The following SLC4A10 variants were observed in gnomAD, a reference collection of about 807,000 sequenced individuals.
The protein encoded by SLC4A10 is sodium-driven chloride bicarbonate exchanger.
A neutral mutation model predicts 137.7 loss-of-function variants in SLC4A10; 42 were observed. That is an observed-to-expected ratio of 0.30 (90% CI 0.24 to 0.39). The LOEUF (loss-of-function observed/expected upper bound fraction) is 0.39, where lower values mean the gene tolerates loss of function less well. Ranked by LOEUF, SLC4A10 falls within the 10% of genes least tolerant of loss-of-function variation. The pLI, the probability that SLC4A10 is intolerant of heterozygous loss-of-function variation, is 1.00. For missense variants in SLC4A10, 925 were observed against 1,355.0 expected, an observed-to-expected ratio of 0.68 and a Z score of 4.98; for synonymous variants, 474 against 464.1, an observed-to-expected ratio of 1.02 and a Z score of -0.27.
intron 1 of SLC4A10, among the ~76,000 whole-genome samples, chr2:161,706,118 T>A (rs898565971): frequency 1.1e-4 from 17 of 151,522 alleles, no homozygotes; most frequent in Non-Finnish European, 2.5e-4. Context: ...ATAGATCTTA[T>A]CAACTAGATA....
At chr2:161,660,571 T>C (rs1465394655) in intron 1 of SLC4A10, among the ~76,000 whole-genome samples, 1 of 119,856 alleles carries the variant, frequency 8.3e-6, no homozygotes, top group Non-Finnish European at 1.9e-5. Flanking sequence ...TTTCTTTCTT[T>C]CTTTCTTTCT....
chr2:161,970,910 C>T (rs1016658455), intron 23 of SLC4A10, among the ~76,000 whole-genome samples: 2 of 152,212 alleles, frequency 1.3e-5, no homozygotes, highest in African/African-American at 2.4e-5. Flanking sequence ...CTTTTGGCTC[C>T]AGCCAAGCTC....
chr2:161,757,260 A>G (rs2049759952), intron 1 of SLC4A10, among the ~76,000 whole-genome samples: 1 of 152,142 alleles, frequency 6.6e-6, no homozygotes, highest in South Asian at 2.1e-4. Flanking sequence ...ATCTAAAATA[A>G]AAGTTGACAT....
rs2051883162 is a variant in SLC4A10, at chr2:161,773,268, A to G, written c.130+2214A>G. Among the ~76,000 whole-genome samples, 4 of 151,788 alleles carry G rather than the reference A, an allele frequency of 2.6e-5. No individual in the cohort carries two copies. The South Asian group carries it at 8.3e-4, about 32-fold the overall frequency. On this transcript the variant is annotated intron_variant, in intron 2 of 26. Coordinates refer to ENST00000446997, the MANE Select transcript of SLC4A10 (RefSeq NM_001178015.2). Reference sequence around the variant, plus strand: ...GCCTTTTGATAATCCACATTAATCCATCCATTCCTGACAGTGGAGCTCTCA... The same window carrying G: ...GCCTTTTGATAATCCACATTAATCCGTCCATTCCTGACAGTGGAGCTCTCA...
In SLC4A10 at chr2:161,848,573, G is replaced by A. The variant is rs113208259; in HGVS notation, c.417-6397G>A. On this transcript the variant is annotated intron_variant, in intron 4 of 26. Coordinates refer to ENST00000446997, the MANE Select transcript of SLC4A10 (RefSeq NM_001178015.2). Reference sequence around the variant, plus strand: ...GACTTTTGTATATGGTGAAATGTAGGGGTCCCGTTTCAATCTTCTGCATAT... The same window carrying A: ...GACTTTTGTATATGGTGAAATGTAGAGGTCCCGTTTCAATCTTCTGCATAT... Among the ~76,000 whole-genome samples, 649 of 152,198 alleles carry A rather than the reference G, an allele frequency of 4.3e-3. 6 individuals carry two copies. Among genetic ancestry groups the A allele is most frequent in the African/African-American group, 0.015 (624 of 41,536 alleles).
chr2:161,928,813 C>T (rs10930036), intron 15 of SLC4A10, among the ~76,000 whole-genome samples: 47,336 of 151,800 alleles, frequency 0.31, 7,716 homozygotes, highest in Admixed American at 0.4. Context: ...ATATGCCATG[C>T]GTATAGCAAC....
At chr2:161,924,883 G>A (rs201257159) in intron 15 of SLC4A10, among the ~76,000 whole-genome samples, 1 of 152,146 alleles carries the variant, frequency 6.6e-6, no homozygotes, top group Non-Finnish European at 1.5e-5. Flanking sequence ...AATGAATGGA[G>A]AAGCCATATC....
intron 19 of SLC4A10, among the ~76,000 whole-genome samples, chr2:161,953,335 C>G (rs1346372877): frequency 1.3e-5 from 2 of 152,146 alleles, no homozygotes; most frequent in Non-Finnish European, 2.9e-5. Flanking sequence ...ATTGGCCAGG[C>G]ACAGTGGCTC....
chr2:161,708,575 T>A (rs541235027), intron 1 of SLC4A10: 4 of 1,023,576 alleles, frequency 3.9e-6, no homozygotes, highest in Non-Finnish European at 5.4e-6. Flanking sequence ...TCTCTCTTAG[T>A]ATGGGGTGTT....
chr2:161,745,344 A>G (rs1574717720), intron 1 of SLC4A10, among the ~76,000 whole-genome samples: 1 of 152,096 alleles, frequency 6.6e-6, no homozygotes, highest in Non-Finnish European at 1.5e-5. Flanking sequence ...TCTGGTGTTG[A>G]GAGACTCTCG....
chr2:161,831,532 A>G (rs905918335), intron 3 of SLC4A10, among the ~76,000 whole-genome samples: 1 of 152,044 alleles, frequency 6.6e-6, no homozygotes, highest in Non-Finnish European at 1.5e-5. Context: ...TCCTAATATT[A>G]TATTTTTCTT....
chr2:161,909,642 G>A (rs959817920), intron 15 of SLC4A10, among the ~76,000 whole-genome samples: 1 of 152,184 alleles, frequency 6.6e-6, no homozygotes, highest in Non-Finnish European at 1.5e-5. Context: ...CACTTACACT[G>A]TGTACATGAA....
At chr2:161,677,874 T>C (rs1173473706) in intron 1 of SLC4A10, among the ~76,000 whole-genome samples, 1 of 152,152 alleles carries the variant, frequency 6.6e-6, no homozygotes, top group Non-Finnish European at 1.5e-5. Flanking sequence ...TCTATGATTC[T>C]TACCTTGGCA....
chr2:161,807,326 G>T (rs1023246870), intron 3 of SLC4A10, among the ~76,000 whole-genome samples: 5 of 152,100 alleles, frequency 3.3e-5, no homozygotes, highest in African/African-American at 9.7e-5. Flanking sequence ...AAGTGTTTTC[G>T]TAGTTGTTAA....
rs1695784227 is a variant in SLC4A10, at chr2:161,956,982, T to C, written c.2542-7T>C. 1 of 1,552,064 alleles carries C rather than the reference T, an allele frequency of 6.4e-7. No homozygotes were observed. The highest frequency in any genetic ancestry group is 2.0e-5 in the Admixed American group (1 of 49,376). ...TTTCTTTCTCTCTTTCTTTCTTTTT[T>C]AAACAGAAAGGTTGTGGGTACCATC... On this transcript the variant is annotated splice_region_variant and splice_polypyrimidine_tract_variant and intron_variant, in intron 19 of 26. Transcript: ENST00000446997.
Position 161,879,212 on chromosome 2 carries a change from C to T in SLC4A10, c.1030C>T (p.Arg344Ter). ...ILVGELEFLD[R>*]TVVAFVRLSP... ...AGTGGGAGAACTGGAGTTCTTGGAT[C>T]GAACAGTAGTTGCGTTTGTCAGGTT... Residue 344 changes from arginine (R) to a stop codon, truncating the protein, a stop_gained, in exon 9 of 27, where the codon CGA becomes TGA. Transcript: ENST00000446997. LOFTEE classifies it high-confidence loss of function. The T allele has an allele frequency of 1.2e-6, 2 of 1,613,368 alleles. No individual in the cohort carries two copies. Among genetic ancestry groups the T allele is most frequent in the East Asian group, 2.2e-5 (1 of 44,860 alleles).
intron 12 of SLC4A10, among the ~76,000 whole-genome samples, chr2:161,903,471 T>G (rs960290913): frequency 2.0e-5 from 3 of 152,162 alleles, no homozygotes; most frequent in African/African-American, 7.2e-5. Context: ...TGGTGAGGGA[T>G]TTTTGTTTGT....
intron 15 of SLC4A10, among the ~76,000 whole-genome samples, chr2:161,913,571 G>A (rs1203359301): frequency 3.3e-5 from 5 of 152,114 alleles, no homozygotes; most frequent in African/African-American, 1.2e-4. Flanking sequence ...AAAGTAGCAC[G>A]TTGTCTTTTC....
chr2:161,747,617 TTTGGCCATC>T (rs1272400230), intron 1 of SLC4A10, among the ~76,000 whole-genome samples: 1 of 152,158 alleles, frequency 6.6e-6, no homozygotes, highest in Non-Finnish European at 1.5e-5. Context: ...GAAGGTTCTG[TTTGGCCATC>T]TTGCTCCACC....
Sources: allele counts gnomAD v4.1 joint callset (sites outside exome capture counted in the v4.1 genomes callset), GRCh38; gene constraint gnomAD v4.1.1; transcripts MANE v1.5; gene names NCBI Gene and HGNC (gene_info 2026-07-23, HGNC 2026-07-21).